Variants in GRID2 observed in about 807,000 individuals in gnomAD.
GRID2 encodes the protein glutamate ionotropic receptor delta type subunit 2, also known as glutamate receptor ionotropic, delta-2.
GRID2 carries 33 observed loss-of-function variants against 114.8 expected under a neutral mutation model. That is an observed-to-expected ratio of 0.29 (90% CI 0.22 to 0.38). The LOEUF is 0.38. GRID2 is among the 10% of genes least tolerant of loss of function. GRID2 has a pLI of 1.00. For synonymous variants in GRID2, 505 were observed against 449.9 expected, an observed-to-expected ratio of 1.12 and a Z score of -1.55; for missense variants, 1,184 against 1,257.7, an observed-to-expected ratio of 0.94 and a Z score of 0.89.
At chr4:92,965,549 T>C (rs76323449) in intron 2 of GRID2, among the ~76,000 whole-genome samples, 2,221 of 147,752 alleles carry the variant, frequency 0.015, 20 homozygotes, top group East Asian at 0.055. Context: ...TATGGCTATA[T>C]CTGCTCCTGT....
chr4:93,027,560 G>C (rs867371071), intron 2 of GRID2, among the ~76,000 whole-genome samples: 1 of 152,062 alleles, frequency 6.6e-6, no homozygotes, highest in African/African-American at 2.4e-5. Context: ...TTCACAGTGA[G>C]AATATTCAAT....
rs185733284 is a variant in GRID2, at chr4:93,693,081, T to A, written c.2360+66646T>A. Among the ~76,000 whole-genome samples, 46 of 152,296 alleles carry A rather than the reference T, an allele frequency of 3.0e-4. 1 individual carries two copies. Among genetic ancestry groups the A allele is most frequent in the African/African-American group, 1.0e-3 (43 of 41,582 alleles). ...GTTTTACTACATTTCAGAAAATAAA[T>A]CCATCTGGCCTTGAGTTTTACTATT... On this transcript the variant is annotated intron_variant, in intron 14 of 15. Transcript: ENST00000282020.
At chr4:93,443,930 G>T (rs1033953317) in intron 10 of GRID2, among the ~76,000 whole-genome samples, 36 of 151,918 alleles carry the variant, frequency 2.4e-4, no homozygotes, top group African/African-American at 8.2e-4. Flanking sequence ...CTTTCTTGGA[G>T]AACATTTTTG....
intron 11 of GRID2, among the ~76,000 whole-genome samples, chr4:93,471,725 G>C (rs1161545001): frequency 5.0e-4 from 13 of 25,750 alleles, no homozygotes; most frequent in African/African-American, 3.7e-3. Flanking sequence ...TGGAGACGGA[G>C]TTTTTGCTCT....
intron 14 of GRID2, among the ~76,000 whole-genome samples, chr4:93,711,319 C>A (rs1445914098): frequency 6.6e-6 from 1 of 152,108 alleles, no homozygotes; most frequent in Non-Finnish European, 1.5e-5. Context: ...AAATCCTTCT[C>A]CTAAAGGCAG....
At chr4:92,753,683 T>G (rs1737565334) in intron 2 of GRID2, among the ~76,000 whole-genome samples, 1 of 152,062 alleles carries the variant, frequency 6.6e-6, no homozygotes, top group Non-Finnish European at 1.5e-5. Context: ...AGATGGCAAC[T>G]AAAATGAGTA....
intron 3 of GRID2, among the ~76,000 whole-genome samples, chr4:93,090,919 T>A (rs1730730655): frequency 6.6e-6 from 1 of 152,128 alleles, no homozygotes; most frequent in African/African-American, 2.4e-5. Flanking sequence ...ACTAGAATAA[T>A]TCAGTCCAGT....
At chr4:92,597,104 T>G (rs1728992251) in intron 2 of GRID2, among the ~76,000 whole-genome samples, 1 of 152,098 alleles carries the variant, frequency 6.6e-6, no homozygotes, top group South Asian at 2.1e-4. Flanking sequence ...ATTTTTATTT[T>G]TATTTTTATT....
intron 3 of GRID2, among the ~76,000 whole-genome samples, chr4:93,106,254 T>A (rs1023831655): frequency 4.3e-4 from 66 of 152,356 alleles, no homozygotes; most frequent in African/African-American, 1.5e-3. Flanking sequence ...TCTCATTGGC[T>A]GCCAGCTAAT....
intron 2 of GRID2, among the ~76,000 whole-genome samples, chr4:92,654,214 G>T (rs913100433): frequency 6.6e-6 from 1 of 151,924 alleles, no homozygotes; most frequent in African/African-American, 2.4e-5. Context: ...CTTGGTGAGG[G>T]CCCACTTCCT....
intron 8 of GRID2, among the ~76,000 whole-genome samples, chr4:93,391,808 G>T (rs1442667543): frequency 6.6e-6 from 1 of 152,114 alleles, no homozygotes; most frequent in African/African-American, 2.4e-5. Flanking sequence ...GCAGGCTACT[G>T]TGCTCATGCA....
chr4:92,542,672 G>T (rs373546358), intron 1 of GRID2, among the ~76,000 whole-genome samples: 1 of 151,856 alleles, frequency 6.6e-6, no homozygotes, highest in Non-Finnish European at 1.5e-5. Context: ...TACACATTGG[G>T]TACAGGGTAC....
chr4:92,799,922 A>T (rs1740072850), intron 2 of GRID2, among the ~76,000 whole-genome samples: 1 of 152,008 alleles, frequency 6.6e-6, no homozygotes, highest in Non-Finnish European at 1.5e-5. Flanking sequence ...GGATGCTTAA[A>T]CAATCATATT....
At chr4:93,721,716 T>C (rs1187852148) in intron 14 of GRID2, among the ~76,000 whole-genome samples, 1 of 152,166 alleles carries the variant, frequency 6.6e-6, no homozygotes, top group African/African-American at 2.4e-5. Flanking sequence ...TGTAACTGTA[T>C]ACTTTTAGCA....
chr4:93,387,154 A>C (rs775718097), intron 8 of GRID2, among the ~76,000 whole-genome samples: 1 of 152,144 alleles, frequency 6.6e-6, no homozygotes, highest in Non-Finnish European at 1.5e-5. Flanking sequence ...AAAAGTTTCA[A>C]CAGTTTATAT....
At chr4:92,895,961 A>C (rs1747135810) in intron 2 of GRID2, among the ~76,000 whole-genome samples, 1 of 152,310 alleles carries the variant, frequency 6.6e-6, no homozygotes, top group African/African-American at 2.4e-5. Flanking sequence ...TATTTTAGCC[A>C]TGATTTACAT....
At chr4:93,159,687 A>G (rs999132844) in intron 4 of GRID2, among the ~76,000 whole-genome samples, 8 of 140,546 alleles carry the variant, frequency 5.7e-5, no homozygotes, top group Admixed American at 3.1e-4. Flanking sequence ...ATTTTTTTCC[A>G]TCTGCATTTT....
intron 8 of GRID2, among the ~76,000 whole-genome samples, chr4:93,288,837 T>C (rs1410978241): frequency 6.6e-6 from 1 of 152,218 alleles, no homozygotes; most frequent in Admixed American, 6.5e-5. Flanking sequence ...ATTTTTATGT[T>C]TTCCCTGTAT....
chr4:92,370,644 T>C (rs1729076151), intron 1 of GRID2, among the ~76,000 whole-genome samples: 1 of 152,116 alleles, frequency 6.6e-6, no homozygotes, highest in South Asian at 2.1e-4. Flanking sequence ...GGCCTCTAAG[T>C]GTTCAAGTGA....
Sources: allele counts gnomAD v4.1 joint callset (sites outside exome capture counted in the v4.1 genomes callset), GRCh38; gene constraint gnomAD v4.1.1; transcripts MANE v1.5; gene names NCBI Gene and HGNC (gene_info 2026-07-23, HGNC 2026-07-21).